Variants in SLC24A3 observed in about 807,000 individuals in gnomAD.
SLC24A3 encodes solute carrier family 24 member 3, also known as sodium/potassium/calcium exchanger 3.
SLC24A3 carries 28 observed loss-of-function variants against 75.8 expected under a neutral mutation model. The observed-to-expected ratio is 0.37, with a 90% confidence interval of 0.27 to 0.51. SLC24A3 has a LOEUF of 0.51. Ranked by LOEUF, SLC24A3 falls within the 20% of genes least tolerant of loss-of-function variation. The pLI is 0.94. For synonymous variants in SLC24A3, 372 were observed against 334.1 expected (o/e 1.11, Z -1.24); for missense variants, 663 against 847.8 (o/e 0.78, Z 2.71).
At chr20:19,456,579 T>C (rs996326478) in intron 2 of SLC24A3, among the ~76,000 whole-genome samples, 8 of 152,232 alleles carry the variant, frequency 5.3e-5, no homozygotes, top group African/African-American at 9.6e-5. Flanking sequence ...CAGTCTTTAT[T>C]GGCAGCGTGA....
chr20:19,343,347 C>G (rs556612531), intron 2 of SLC24A3, among the ~76,000 whole-genome samples: 1 of 152,194 alleles, frequency 6.6e-6, no homozygotes, highest in East Asian at 1.9e-4. Context: ...CAGTTTACAT[C>G]ACCTACTCTA....
In SLC24A3 at chr20:19,693,438, G is replaced by A; in HGVS notation, c.1491+13G>A. Reference sequence around the variant, plus strand: ...GATGGTGTGGATGGTGAGTGCAATCGGGACCCCATGGCACTGTTAAATCTC... The same window carrying A: ...GATGGTGTGGATGGTGAGTGCAATCAGGACCCCATGGCACTGTTAAATCTC... On this transcript the variant is annotated intron_variant, in intron 13 of 16. Transcript: ENST00000328041. The A allele has an allele frequency of 6.2e-7, 1 of 1,613,288 alleles. No homozygotes were observed. Among genetic ancestry groups the A allele is most frequent in the Non-Finnish European group, 8.5e-7 (1 of 1,179,702 alleles).
intron 6 of SLC24A3, among the ~76,000 whole-genome samples, chr20:19,623,655 G>A (rs1157688513): frequency 6.6e-6 from 1 of 152,148 alleles, no homozygotes; most frequent in African/African-American, 2.4e-5. Flanking sequence ...TATGTGTTTA[G>A]TGGCTACCAT....
At chr20:19,704,836 C>A (rs1261323884) in intron 15 of SLC24A3, among the ~76,000 whole-genome samples, 1 of 152,064 alleles carries the variant, frequency 6.6e-6, no homozygotes, top group Non-Finnish European at 1.5e-5. Flanking sequence ...GGGCAGGGGT[C>A]ACACTGGGCC....
At chr20:19,515,737 C>T (rs2029975739) in intron 3 of SLC24A3, among the ~76,000 whole-genome samples, 173 bp downstream of exon 3, 1 of 152,146 alleles carries the variant, frequency 6.6e-6, no homozygotes, top group Non-Finnish European at 1.5e-5. Context: ...GATGAAAGAC[C>T]ACAGCTTTCG....
intron 2 of SLC24A3, among the ~76,000 whole-genome samples, chr20:19,430,136 C>T (rs1481986472): frequency 1.3e-5 from 2 of 151,292 alleles, no homozygotes; most frequent in African/African-American, 4.8e-5. Context: ...CTATGTCTTT[C>T]TTTGAGCTAA....
intron 2 of SLC24A3, among the ~76,000 whole-genome samples, chr20:19,385,731 T>C (rs1049711440): frequency 4.6e-5 from 7 of 151,534 alleles, no homozygotes; most frequent in Admixed American, 4.6e-4. Context: ...AGCCTCAACC[T>C]CCTGGGCTCA....
chr20:19,588,203 C>T (rs2031326564), intron 6 of SLC24A3, among the ~76,000 whole-genome samples: 1 of 152,122 alleles, frequency 6.6e-6, no homozygotes, highest in South Asian at 2.1e-4. Flanking sequence ...CTCTCCCAGG[C>T]GGTGGAGTTG....
At chr20:19,492,967 T>A (rs969097047) in intron 2 of SLC24A3, among the ~76,000 whole-genome samples, 10 of 149,780 alleles carry the variant, frequency 6.7e-5, no homozygotes, top group Non-Finnish European at 3.0e-5. Context: ...CAGTTCAGAG[T>A]ATGGTATTTC....
At chr20:19,305,032 T>A (rs1320616101) in intron 2 of SLC24A3, among the ~76,000 whole-genome samples, 1 of 152,154 alleles carries the variant, frequency 6.6e-6, no homozygotes, top group African/African-American at 2.4e-5. Flanking sequence ...CAGGCCCAAG[T>A]GGGATATGAG....
At chr20:19,511,476 C>T (rs1291630685) in intron 2 of SLC24A3, among the ~76,000 whole-genome samples, 8 of 152,028 alleles carry the variant, frequency 5.3e-5, no homozygotes, top group African/African-American at 7.2e-5. Flanking sequence ...TACAGGCGCC[C>T]GCCACCACGC....
intron 3 of SLC24A3, among the ~76,000 whole-genome samples, chr20:19,566,552 C>A (rs1449367681): frequency 2.6e-5 from 4 of 152,204 alleles, no homozygotes; most frequent in Non-Finnish European, 5.9e-5. Context: ...CCTCAATCAT[C>A]TATGCCTGTT....
chr20:19,531,510 T>C (rs1029436698), intron 3 of SLC24A3, among the ~76,000 whole-genome samples: 4 of 152,148 alleles, frequency 2.6e-5, no homozygotes, highest in African/African-American at 9.7e-5. Flanking sequence ...CTCTCTAGAG[T>C]GTGGATTAAC....
intron 1 of SLC24A3, among the ~76,000 whole-genome samples, chr20:19,215,541 C>T (rs986004369): frequency 6.6e-6 from 1 of 152,098 alleles, no homozygotes; most frequent in African/African-American, 2.4e-5. Flanking sequence ...TTCTCAGAAG[C>T]TCGTTTTCTA....
intron 6 of SLC24A3, among the ~76,000 whole-genome samples, chr20:19,595,471 T>C (rs1309072295): frequency 6.6e-6 from 1 of 152,158 alleles, no homozygotes; most frequent in African/African-American, 2.4e-5. Context: ...TAGGGGTGCC[T>C]GGGTAGTCAG....
At chr20:19,680,191 T>C (rs1237464859) in intron 9 of SLC24A3, among the ~76,000 whole-genome samples, 5 of 147,624 alleles carry the variant, frequency 3.4e-5, no homozygotes, top group African/African-American at 1.0e-4. Context: ...TGTATGTGCA[T>C]GTGTGTGTGT....
intron 2 of SLC24A3, among the ~76,000 whole-genome samples, chr20:19,502,620 A>G (rs919849347): frequency 1.3e-5 from 2 of 152,172 alleles, no homozygotes; most frequent in South Asian, 2.1e-4. Flanking sequence ...GCTTGTAATT[A>G]CAATCCTCTG....
At chr20:19,548,990 G>A (rs1436966995) in intron 3 of SLC24A3, among the ~76,000 whole-genome samples, 1 of 152,232 alleles carries the variant, frequency 6.6e-6, no homozygotes, top group African/African-American at 2.4e-5. Flanking sequence ...CAAGGGCATA[G>A]ACTGGTGGAG....
At chr20:19,382,758 T>G (rs1986203541) in intron 2 of SLC24A3, among the ~76,000 whole-genome samples, 1 of 152,152 alleles carries the variant, frequency 6.6e-6, no homozygotes, top group Non-Finnish European at 1.5e-5. Flanking sequence ...AAAATTAATT[T>G]GTAAACAAAC....
Sources: allele counts gnomAD v4.1 joint callset (sites outside exome capture counted in the v4.1 genomes callset), GRCh38; gene constraint gnomAD v4.1.1; transcripts MANE v1.5; gene names NCBI Gene and HGNC (gene_info 2026-07-23, HGNC 2026-07-21).